Variants in ADGB observed in about 807,000 individuals in gnomAD.
ADGB encodes the protein calpain-7-like protein.
ADGB carries 172 observed loss-of-function variants against 210.5 expected under a neutral mutation model. The ratio of observed to expected loss-of-function variants is 0.82; its 90% confidence interval spans 0.72 to 0.93. ADGB has a LOEUF of 0.93. ADGB is among the 40% of genes least tolerant of loss of function. The pLI, the probability that ADGB is intolerant of heterozygous loss-of-function variation, is 0.00. For missense variants in ADGB, 2,025 were observed against 1,964.8 expected (o/e 1.03, Z -0.58); for synonymous variants, 658 against 662.7 (o/e 0.99, Z 0.11).
intron 2 of ADGB, among the ~76,000 whole-genome samples, chr6:146,644,378 AT>A (rs1342518483): frequency 1.3e-4 from 19 of 151,900 alleles, no homozygotes; most frequent in Admixed American, 1.2e-3. Flanking sequence ...AATTAAATAA[AT>A]ATTTTTAAAT....
At chr6:146,656,709 C>T in intron 4 of ADGB, 62 bp from the exon 5 acceptor site, 15 of 1,135,406 alleles carry the variant, frequency 1.3e-5, no homozygotes, top group South Asian at 7.9e-5. Context: ...TGTTTTTATC[C>T]CTAAATTACA....
chr6:146,610,910 G>A (rs376860677), intron 1 of ADGB, among the ~76,000 whole-genome samples: 130 of 152,228 alleles, frequency 8.5e-4, no homozygotes, highest in Middle Eastern at 3.4e-3. Context: ...ACACATGCAC[G>A]CTGGCATGGA....
chr6:146,734,610 C>G (rs931549665), intron 22 of ADGB, among the ~76,000 whole-genome samples: 2 of 152,160 alleles, frequency 1.3e-5, no homozygotes, highest in African/African-American at 4.8e-5. Context: ...GCCAATAGGC[C>G]AGTTTTATCA....
At chr6:146,770,460 T>A (rs1777633693) in intron 29 of ADGB, 1 of 334,130 alleles carries the variant, frequency 3.0e-6, no homozygotes. Context: ...TCCAACGGCA[T>A]CGCACTGTGC....
intron 29 of ADGB, among the ~76,000 whole-genome samples, chr6:146,775,917 G>A (rs759066701): frequency 4.0e-5 from 6 of 151,850 alleles, no homozygotes; most frequent in Non-Finnish European, 7.4e-5. Context: ...TTCTAGCTTA[G>A]AAATATGTAA....
At chr6:146,790,354 A>AC (rs1562301852) in intron 33 of ADGB, among the ~76,000 whole-genome samples, 5 of 151,706 alleles carry the variant, frequency 3.3e-5, no homozygotes, top group East Asian at 1.9e-4. Flanking sequence ...CTACACTATG[A>AC]CCCCCCAGCC....
chr6:146,603,056 T>C (rs1780582757), intron 1 of ADGB, among the ~76,000 whole-genome samples: 1 of 152,142 alleles, frequency 6.6e-6, no homozygotes, highest in South Asian at 2.1e-4. Flanking sequence ...AATAATCCCA[T>C]CATGAGGTCC....
At chr6:146,783,712 G>A (rs777291615) in intron 30 of ADGB, among the ~76,000 whole-genome samples, 12 of 152,100 alleles carry the variant, frequency 7.9e-5, no homozygotes, top group Admixed American at 2.0e-4. Context: ...CTTCCCAGCT[G>A]CATTATTTAT....
At chr6:146,669,063 G>C (rs1167810885) in intron 7 of ADGB, among the ~76,000 whole-genome samples, 2 of 152,088 alleles carry the variant, frequency 1.3e-5, no homozygotes, top group Non-Finnish European at 2.9e-5. Context: ...ATACAACCTA[G>C]ATTTTGGATT....
intron 32 of ADGB, among the ~76,000 whole-genome samples, chr6:146,786,216 T>A (rs1777872275): frequency 6.7e-6 from 1 of 148,264 alleles, no homozygotes. Context: ...TAAGTATATA[T>A]TATAATATTA....
intron 20 of ADGB, among the ~76,000 whole-genome samples, chr6:146,730,133 A>C (rs1304870493): frequency 6.6e-6 from 1 of 152,178 alleles, no homozygotes; most frequent in Non-Finnish European, 1.5e-5. Context: ...TTCTAAAATT[A>C]CTTACATAAT....
intron 17 of ADGB, among the ~76,000 whole-genome samples, chr6:146,722,002 A>T (rs1776825572): frequency 1.3e-5 from 2 of 151,518 alleles, no homozygotes; most frequent in African/African-American, 4.9e-5. Flanking sequence ...TGCCACCTGC[A>T]CCTCTTCTGG....
At chr6:146,629,935 T>G (rs1781034503) in intron 1 of ADGB, among the ~76,000 whole-genome samples, 1 of 152,086 alleles carries the variant, frequency 6.6e-6, no homozygotes, top group Non-Finnish European at 1.5e-5. Context: ...CCTATAAATG[T>G]GTGTATAAAG....
In ADGB at chr6:146,745,137, A is replaced by G. The variant is rs551569903; in HGVS notation, c.3178-785A>G. 2.0e-5 allele frequency among the ~76,000 whole-genome samples: 3 copies of G among 152,280 alleles called. No individual in the cohort carries two copies. In the South Asian group the frequency reaches 6.2e-4, roughly 32 times the overall value. ...AAAAAATTCATTCTGGCTTATATAT[A>G]TCTAATTTTTACTTCTGGAAATCTA... On this transcript the variant is annotated intron_variant, in intron 25 of 35. Coordinates refer to ENST00000397944, the MANE Select transcript of ADGB (RefSeq NM_024694.4).
intron 28 of ADGB, among the ~76,000 whole-genome samples, chr6:146,766,744 A>C (rs561628948): frequency 6.6e-6 from 1 of 152,260 alleles, no homozygotes; most frequent in Non-Finnish European, 1.5e-5. Context: ...CTTTTTAAGA[A>C]ATTAATGTAA....
At chr6:146,771,629 T>C (rs967615592) in intron 29 of ADGB, among the ~76,000 whole-genome samples, 8 of 152,160 alleles carry the variant, frequency 5.3e-5, no homozygotes, top group Non-Finnish European at 1.0e-4. Flanking sequence ...TTTGAAATAA[T>C]GGATGGTACA....
intron 11 of ADGB, 36 bp downstream of exon 11, chr6:146,691,326 A>G: frequency 2.0e-6 from 3 of 1,474,934 alleles, no homozygotes; most frequent in Non-Finnish European, 2.7e-6. Context: ...CTTCTAATTA[A>G]TGTATGAAAG....
In ADGB at chr6:146,764,073, A is replaced by G. The variant is rs778639192; in HGVS notation, c.3723A>G (p.Arg1241=). ...VEEETTSTPT[R]EDSSSTPLQN... is the part of the protein sequence containing the mutation. ...AGGAAACTACCAGTACACCCACTAG[A>G]GAAGACAGTTCCAGCACACCACTGC... Residue 1241 remains arginine, a synonymous_variant, in exon 28 of 36, where the codon AGA becomes AGG. Coordinates refer to ENST00000397944, the MANE Select transcript of ADGB (RefSeq NM_024694.4). 2.6e-6 allele frequency: 4 copies of G among 1,550,246 alleles called. No homozygotes were observed. In the South Asian group the frequency reaches 4.8e-5, roughly 18 times the overall value.
intron 14 of ADGB, among the ~76,000 whole-genome samples, chr6:146,715,677 C>T (rs757395799): frequency 6.6e-6 from 1 of 152,158 alleles, no homozygotes; most frequent in Non-Finnish European, 1.5e-5. Flanking sequence ...GTGATCGAAA[C>T]ACTAAAACCA....
Sources: allele counts gnomAD v4.1 joint callset (sites outside exome capture counted in the v4.1 genomes callset), GRCh38; gene constraint gnomAD v4.1.1; transcripts MANE v1.5; gene names NCBI Gene and HGNC (gene_info 2026-07-23, HGNC 2026-07-21).